Variants in GSN observed in about 807,000 individuals in gnomAD.
GSN encodes the protein actin-depolymerizing factor.
A neutral mutation model predicts 85.7 loss-of-function variants in GSN; 56 were observed. The ratio of observed to expected loss-of-function variants is 0.65; its 90% CI spans 0.53 to 0.82. GSN has a LOEUF of 0.82. Ranked by LOEUF, GSN falls within the 40% of genes least tolerant of loss-of-function variation. GSN has a pLI of 0.00. For missense variants in GSN, 857 were observed against 979.8 expected, an observed-to-expected ratio of 0.87 and a Z score of 1.67; for synonymous variants, 373 against 399.1, an observed-to-expected ratio of 0.93 and a Z score of 0.78.
At position 121,299,924 on chromosome 9, in the gene GSN, G is replaced by A; in HGVS notation, c.-9-2039G>A. On this transcript the variant is annotated intron_variant, in intron 2 of 17. Coordinates refer to ENST00000432226, the MANE Select transcript of GSN (RefSeq NM_198252.3). This position sits in a 1 kb window ranked among gnomAD's most constrained non-coding sequence, Gnocchi z 4.2. ...CGCTGTCCCTGGCGCTGTGCGCGCT[G>A]TCGCTGCCCGTCCGCGCGGCCACTG... The A allele has an allele frequency of 7.9e-7, 1 of 1,258,514 alleles. No individual in the cohort carries two copies. The highest frequency in any genetic ancestry group is 1.0e-6 in the Non-Finnish European group (1 of 999,650). The allele number at this position is 1,258,514 out of a possible 1,614,324, so 78.0% of individuals were successfully genotyped here.
chr9:121,212,257 T>A (rs1588400773), intron 4 of GSN, among the ~76,000 whole-genome samples: 1 of 152,222 alleles, frequency 6.6e-6, no homozygotes, highest in East Asian at 1.9e-4. Context: ...CAGTTGTTTC[T>A]CCAAGATTTA....
rs761303562 is a variant in GSN, at chr9:121,211,381, CAA to C, written c.-528+516_-528+517del. On this transcript the variant is annotated intron_variant, in intron 4 of 24. Transcript: ENST00000373823. ...ATGACAGCAAAAACAAACAAACAAACAAAGCTGAAAAAACCCACAAGTCTTAA... is the reference window on the plus strand; with the variant it reads ...ATGACAGCAAAAACAAACAAACAAACAGCTGAAAAAACCCACAAGTCTTAA... Among the ~76,000 whole-genome samples the C allele has an allele frequency of 2.0e-5, 3 of 152,218 alleles. No individual in the cohort carries two copies. The East Asian group carries it at 5.8e-4, about 29-fold the overall frequency.
chr9:121,291,067 T>G (rs1380095981), intron 2 of GSN, among the ~76,000 whole-genome samples: 3 of 151,914 alleles, frequency 2.0e-5, no homozygotes, highest in Admixed American at 6.6e-5. Flanking sequence ...AAAATAAAAA[T>G]TAAAAAAAGT....
rs2059519035 is a variant in GSN at position 121,299,267 on chromosome 9, C to T, written c.-9-2696C>T. 2 of 984,774 alleles carry T rather than the reference C, an allele frequency of 2.0e-6. No homozygotes were observed. The highest frequency in any genetic ancestry group is 2.4e-6 in the Non-Finnish European group (2 of 829,330). The allele number at this position is 984,774 out of a possible 1,614,324, so 61.0% of individuals were successfully genotyped here. A position where few individuals can be genotyped will look rare whatever the true frequency, so the allele number is the denominator to read the frequency against. ...TCTGAGTCCTGCCGGCTTCACCTGC[C>T]CACGGGAGCCGGGTCCCCTGCCCTG... On this transcript the variant is annotated intron_variant, in intron 2 of 17. Coordinates refer to ENST00000432226, the MANE Select transcript of GSN (RefSeq NM_198252.3). The surrounding 1 kb of genome is among the most constrained non-coding windows in gnomAD (Gnocchi z 4.2).
At position 121,299,563 on chromosome 9, in the gene GSN, G is replaced by A. The variant is rs1294768027; in HGVS notation, c.-9-2400G>A. The A allele has an allele frequency of 2.8e-6, 2 of 718,530 alleles. No individual in the cohort carries two copies. Among genetic ancestry groups the A allele is most frequent in the South Asian group, 1.3e-4 (2 of 15,882 alleles). The allele number at this position is 718,530 out of a possible 1,614,324, so 44.5% of individuals were successfully genotyped here. On this transcript the variant is annotated intron_variant, in intron 2 of 17. Transcript: ENST00000432226. The surrounding 1 kb of genome is among the most constrained non-coding windows in gnomAD (Gnocchi z 4.2). ...AGGGGGCTCGCGTGCGTCGCAGGAG[G>A]CTCAGCTGGGCTCGCCGCCGCTCGT...
At position 121,302,039 on chromosome 9, in the gene GSN, A is replaced by G. The variant is rs1270868915; in HGVS notation, c.68A>G (p.Glu23Gly). 6.2e-7 allele frequency: 1 copy of G among 1,614,128 alleles called. No homozygotes were observed. Among genetic ancestry groups the G allele is most frequent in the East Asian group, 2.2e-5 (1 of 44,900 alleles). Residue 23 changes from glutamate (E) to glycine (G), a missense_variant, in exon 3 of 18, where the codon GAG becomes GGG. Transcript: ENST00000432226. ...KEPGLQIWRV[E>G]KFDLVPVPTN... is the part of the protein sequence containing the mutation. ...CCTGGCCTGCAGATCTGGCGTGTGG[A>G]GAAGTTCGATCTGGTGCCCGTGCCC...
intron 4 of GSN, among the ~76,000 whole-genome samples, chr9:121,212,985 T>C (rs774105581): frequency 2.0e-5 from 3 of 151,774 alleles, no homozygotes; most frequent in East Asian, 1.9e-4. Flanking sequence ...CGTCCAGAGA[T>C]TGGAGGGAAA....
chr9:121,229,073 G>A (rs571436973), intron 4 of GSN, among the ~76,000 whole-genome samples: 14 of 152,240 alleles, frequency 9.2e-5, no homozygotes, highest in Admixed American at 8.5e-4. Flanking sequence ...GCATTCTCCT[G>A]TTGGCCTGAT....
chr9:121,248,718 A>C (rs2054752607), intron 6 of GSN, among the ~76,000 whole-genome samples: 1 of 152,196 alleles, frequency 6.6e-6, no homozygotes, highest in Non-Finnish European at 1.5e-5. Context: ...GAAATGGGAA[A>C]GGCATCCTAG....
chr9:121,257,161 G>A (rs917755146), intron 6 of GSN, among the ~76,000 whole-genome samples: 1 of 151,752 alleles, frequency 6.6e-6, no homozygotes. Context: ...TAAGAAACAG[G>A]AAATCATTTG....
At chr9:121,316,246 A>G (rs1378729400) in intron 7 of GSN, among the ~76,000 whole-genome samples, 1 of 152,234 alleles carries the variant, frequency 6.6e-6, no homozygotes, top group Non-Finnish European at 1.5e-5. Flanking sequence ...GAAAAATTGT[A>G]AAGATAGTAC....
chr9:121,207,364 T>TG (rs1436122058), upstream of GSN, among the ~76,000 whole-genome samples: 6 of 152,192 alleles, frequency 3.9e-5, no homozygotes, highest in African/African-American at 1.4e-4. Flanking sequence ...GGCAGTGATA[T>TG]GAAGGGGTAC....
At chr9:121,237,549 T>C (rs1403033569) in intron 5 of GSN, among the ~76,000 whole-genome samples, 2 of 152,098 alleles carry the variant, frequency 1.3e-5, no homozygotes, top group African/African-American at 4.8e-5. Context: ...AGACTCTGCC[T>C]CAAAAACAAA....
At chr9:121,279,176 T>C (rs573029179) in intron 1 of GSN, among the ~76,000 whole-genome samples, 1 of 152,206 alleles carries the variant, frequency 6.6e-6, no homozygotes, top group South Asian at 2.1e-4. Flanking sequence ...AGAGTGCCAT[T>C]GCATCTGGCT....
chr9:121,309,848 G>A (rs1420652575), intron 4 of GSN: 2 of 149,810 alleles, frequency 1.3e-5, no homozygotes, highest in African/African-American at 2.4e-5. Context: ...TGTAGTCTTA[G>A]CCACTCGAGA....
intron 1 of GSN, among the ~76,000 whole-genome samples, chr9:121,270,960 G>T (rs1247477939): frequency 6.6e-6 from 1 of 152,176 alleles, no homozygotes; most frequent in Admixed American, 6.5e-5. Context: ...GCACTGACTT[G>T]GAAATGGACC....
At chr9:121,222,468 T>C (rs1180848950) in intron 4 of GSN, among the ~76,000 whole-genome samples, 1 of 152,194 alleles carries the variant, frequency 6.6e-6, no homozygotes, top group Admixed American at 6.5e-5. Flanking sequence ...CAATCAAGAA[T>C]GCAGAAATAA....
At position 121,327,447 on chromosome 9, in the gene GSN, C is replaced by G. The variant is rs567372749; in HGVS notation, c.1727C>G (p.Ala576Gly). 162 of 1,597,392 alleles carry G rather than the reference C, an allele frequency of 1.0e-4. 1 individual carries two copies. In the East Asian group the frequency reaches 3.4e-3, roughly 34 times the overall value. ...CAGGAGCTGCTCAGGGTGCTGCGGG[C>G]CCAACCTGTGCAGGTGGCAGAAGGC... is the stretch of plus-strand genomic sequence containing the variant. ...GAQELLRVLR[A>G]QPVQVAEGSE... Residue 576 changes from alanine to glycine, a missense_variant, in exon 14 of 18, where the codon GCC becomes GGC. Transcript: ENST00000432226.
intron 4 of GSN, among the ~76,000 whole-genome samples, chr9:121,228,220 C>G (rs1350331875): frequency 2.0e-5 from 3 of 151,816 alleles, no homozygotes; most frequent in Non-Finnish European, 4.4e-5. Flanking sequence ...CAGCTCCTAG[C>G]ACAGACCCTG....
Sources: gnomAD v4.1 joint callset for allele counts (sites outside exome capture counted in the v4.1 genomes callset) on GRCh38, gnomAD v4.1.1 for gene constraint, Gnocchi (gnomAD v3.1) non-coding constraint, MANE v1.5 for transcripts, NCBI Gene and HGNC (gene_info 2026-07-23, HGNC 2026-07-21) for gene names.